Variants in KAZN observed in about 807,000 individuals in gnomAD.
The protein encoded by KAZN is kazrin.
A neutral mutation model predicts 87.4 loss-of-function variants in KAZN; 40 were observed. The observed-to-expected ratio is 0.46, with a 90% CI of 0.36 to 0.60. The LOEUF (loss-of-function observed/expected upper bound fraction) is 0.60, where lower values mean the gene tolerates loss of function less well. KAZN is among the 20% of genes least tolerant of loss of function. KAZN has a pLI of 0.00. For synonymous variants in KAZN, 466 were observed against 458.3 expected, an observed-to-expected ratio of 1.02 and a Z score of -0.22; for missense variants, 898 against 1,073.9, an observed-to-expected ratio of 0.84 and a Z score of 2.29.
chr1:13,954,212 C>CA (rs1383710567), intron 1 of KAZN, among the ~76,000 whole-genome samples: 1 of 152,122 alleles, frequency 6.6e-6, no homozygotes, highest in East Asian at 1.9e-4. Flanking sequence ...TCAAAAACAG[C>CA]AACAACAAAA....
chr1:14,650,615 A>G lies in KAZN; in HGVS notation c.226+51392A>G, dbSNP rs149195922. ...CAACAGAAGGGTTTTCTGATACTGT[A>G]TATGAGAATGTAGATCTACTTTCAG... On this transcript the variant is annotated intron_variant, in intron 1 of 14. Coordinates refer to ENST00000376030, the MANE Select transcript of KAZN (RefSeq NM_201628.3). Among the ~76,000 whole-genome samples, 5 of 152,340 alleles carry G rather than the reference A, an allele frequency of 3.3e-5. No individual in the cohort carries two copies. The East Asian group carries it at 5.8e-4, about 18-fold the overall frequency.
At chr1:14,004,144 G>T (rs148078197) in intron 1 of KAZN, among the ~76,000 whole-genome samples, 129 of 151,826 alleles carry the variant, frequency 8.5e-4, no homozygotes, top group African/African-American at 3.1e-3. Context: ...AGAAATCAGG[G>T]AACCGTGAAT....
At chr1:13,937,584 C>T (rs116107785) in intron 1 of KAZN, among the ~76,000 whole-genome samples, 5,140 of 152,250 alleles carry the variant, frequency 0.034, 133 homozygotes, top group Non-Finnish European at 0.05. Flanking sequence ...AGGACTTAGT[C>T]GTAAGTTCTT....
In KAZN at chr1:14,888,556, G is replaced by A. The variant is rs563595299; in HGVS notation, c.227-72128G>A. 5.6e-4 allele frequency among the ~76,000 whole-genome samples: 85 copies of A among 151,848 alleles called. 1 individual carries two copies. Among genetic ancestry groups the A allele is most frequent in the Non-Finnish European group, 4.7e-4 (32 of 68,020 alleles). On this transcript the variant is annotated intron_variant, in intron 1 of 14. Coordinates refer to ENST00000376030, the MANE Select transcript of KAZN (RefSeq NM_201628.3). ...TTACCCCTCAAATATAGCTTTTTGC[G>A]TGACTATTAATTAATTCACGCAAAT...
chr1:13,964,427 A>T (rs961187958), intron 1 of KAZN, among the ~76,000 whole-genome samples: 1 of 152,236 alleles, frequency 6.6e-6, no homozygotes, highest in Non-Finnish European at 1.5e-5. Context: ...ACAACTGCTT[A>T]TGTAGCCCCT....
chr1:14,632,308 T>C (rs1679628298), intron 1 of KAZN, among the ~76,000 whole-genome samples: 1 of 152,200 alleles, frequency 6.6e-6, no homozygotes, highest in African/African-American at 2.4e-5. Context: ...ATAACATCCC[T>C]TTCATGGTTG....
At chr1:14,926,627 C>T (rs944400257) in intron 1 of KAZN, among the ~76,000 whole-genome samples, 1 of 152,212 alleles carries the variant, frequency 6.6e-6, no homozygotes, top group Non-Finnish European at 1.5e-5. Context: ...TCCATGATGG[C>T]TAGGCATTGA....
At position 14,246,316 on chromosome 1, in the gene KAZN, T is replaced by C. The variant is rs1016076063; in HGVS notation, c.249+65724T>C. Among the ~76,000 whole-genome samples the C allele has an allele frequency of 2.0e-5, 3 of 147,830 alleles. No homozygotes were observed. In the Admixed American group the frequency reaches 2.1e-4, roughly 10 times the overall value. ...GGCAAACCTGCACATCCTGAGCATG[T>C]ACCCCAGAACTTAATTAAAAAATAT... On this transcript the variant is annotated intron_variant, in intron 2 of 16. Transcript: ENST00000636203.
At chr1:15,008,476 G>A (rs1669251362) in intron 2 of KAZN, among the ~76,000 whole-genome samples, 1 of 152,358 alleles carries the variant, frequency 6.6e-6, no homozygotes, top group South Asian at 2.1e-4. Flanking sequence ...TGTGTGAGGT[G>A]AGTGAGACAG....
chr1:14,643,162 AT>A (rs966668017), intron 1 of KAZN, among the ~76,000 whole-genome samples: 7 of 152,118 alleles, frequency 4.6e-5, no homozygotes, highest in Admixed American at 2.0e-4. Context: ...AAAGGAATGG[AT>A]TTTTTTTAAC....
chr1:14,820,214 G>T lies in KAZN; in HGVS notation c.227-140470G>T, dbSNP rs1646699491. 6.6e-6 allele frequency among the ~76,000 whole-genome samples: 1 copy of T among 152,190 alleles called. No homozygotes were observed. Among genetic ancestry groups the T allele is most frequent in the South Asian group, 2.1e-4 (1 of 4,832 alleles). ...TCTGTGACGTTCACACAGAGGGGCT[G>T]GTGCTGCTGGTCAAAGATCACCATT... On this transcript the variant is annotated intron_variant, in intron 1 of 14. Transcript: ENST00000376030. The surrounding 1 kb of genome is among the most constrained non-coding windows in gnomAD (Gnocchi z 4.1).
intron 1 of KAZN, among the ~76,000 whole-genome samples, chr1:14,689,041 A>T (rs531309778): frequency 6.6e-6 from 1 of 152,170 alleles, no homozygotes; most frequent in East Asian, 1.9e-4. Context: ...TAAAAATCCA[A>T]AAAATTAGCC....
chr1:14,089,396 A>G (rs1024011436), intron 1 of KAZN, among the ~76,000 whole-genome samples: 1 of 152,116 alleles, frequency 6.6e-6, no homozygotes, highest in Non-Finnish European at 1.5e-5. Flanking sequence ...GGATTAATTC[A>G]GTATTTTTTA....
intron 2 of KAZN, among the ~76,000 whole-genome samples, chr1:14,301,914 C>A (rs1202088843): frequency 6.6e-6 from 1 of 152,158 alleles, no homozygotes; most frequent in Non-Finnish European, 1.5e-5. Flanking sequence ...ATCACATCAC[C>A]TTGTTTTCCC....
chr1:14,444,244 A>G (rs1360961441), intron 2 of KAZN, among the ~76,000 whole-genome samples: 1 of 150,636 alleles, frequency 6.6e-6, no homozygotes, highest in Non-Finnish European at 1.5e-5. Context: ...TCCTTACCTG[A>G]TGGTTTCTTT....
rs532644306 is a variant in KAZN, at chr1:15,084,059, A to G, written c.1223-10121A>G. ...AAGGCAAGAGAAACTGAGGCTTCCC[A>G]AAGGAATATCCAAGTGAATAATGGT... On this transcript the variant is annotated intron_variant, in intron 8 of 14. Transcript: ENST00000376030. Among the ~76,000 whole-genome samples the G allele has an allele frequency of 2.6e-5, 4 of 152,294 alleles. No homozygotes were observed. The South Asian group carries it at 8.3e-4, about 32-fold the overall frequency.
At chr1:14,822,567 C>T (rs889312412) in intron 1 of KAZN, among the ~76,000 whole-genome samples, 2 of 152,210 alleles carry the variant, frequency 1.3e-5, no homozygotes, top group Non-Finnish European at 2.9e-5. Flanking sequence ...TCCTGGGCTG[C>T]GTGTCCTTCC....
At chr1:14,017,418 G>T (rs1233230077) in intron 1 of KAZN, among the ~76,000 whole-genome samples, 1 of 152,218 alleles carries the variant, frequency 6.6e-6, no homozygotes, top group African/African-American at 2.4e-5. Context: ...AGGCAGAGGG[G>T]CAACTTACAT....
At chr1:14,222,063 C>T (rs1012875185) in intron 2 of KAZN, 3 of 152,216 alleles carry the variant, frequency 2.0e-5, no homozygotes, top group East Asian at 1.9e-4. Flanking sequence ...ATCCAAATTG[C>T]CAGAAGTCCT....
Sources: gnomAD v4.1 joint callset for allele counts (sites outside exome capture counted in the v4.1 genomes callset) on GRCh38, gnomAD v4.1.1 for gene constraint, Gnocchi (gnomAD v3.1) non-coding constraint, MANE v1.5 for transcripts, NCBI Gene and HGNC (gene_info 2026-07-23, HGNC 2026-07-21) for gene names.